Variants in TENM2 observed in about 807,000 individuals in gnomAD.
The protein encoded by TENM2 is teneurin transmembrane protein 2, also known as teneurin-2.
A neutral mutation model predicts 245.2 loss-of-function variants in TENM2; 52 were observed. The ratio of observed to expected loss-of-function variants is 0.21; its 90% CI spans 0.17 to 0.27. The LOEUF (loss-of-function observed/expected upper bound fraction) is 0.27, where lower values mean the gene tolerates loss of function less well. Ranked by LOEUF, TENM2 falls within the 10% of genes least tolerant of loss-of-function variation. The probability of loss-of-function intolerance (pLI) is 1.00; values close to 1 mark genes in which losing one functional copy is unlikely to be tolerated. For synonymous variants in TENM2, 1,363 were observed against 1,438.9 expected, an observed-to-expected ratio of 0.95 and a Z score of 1.19; for missense variants, 3,046 against 3,666.8, an observed-to-expected ratio of 0.83 and a Z score of 4.37.
chr5:167,896,881 C>T (rs1366372541), intron 3 of TENM2, among the ~76,000 whole-genome samples: 1 of 152,212 alleles, frequency 6.6e-6, no homozygotes, highest in Non-Finnish European at 1.5e-5. Flanking sequence ...TTTAGAATCA[C>T]GCTTGCTTTT....
At chr5:167,123,122 AC>A in the TENM2 span, among the ~76,000 whole-genome samples, 1 of 146,918 alleles carries the variant, frequency 6.8e-6, no homozygotes, top group African/African-American at 2.5e-5. Context: ...ACATGGCGAA[AC>A]CCCATCTCTA....
chr5:168,218,806 C>A lies in TENM2; in HGVS notation c.4915C>A (p.Arg1639Ser). 6.2e-7 allele frequency: 1 copy of A among 1,613,902 alleles called. No homozygotes were observed. The stretch of plus-strand genomic sequence containing the variant: ...CAATAATGGGAATTCCCTGAAGATC[C>A]GTCGGGACAGCAGTGGCATGCCCCG... Residue 1639 changes from arginine (R) to serine (S), a missense_variant, in exon 23 of 29, where the codon CGT becomes AGT. Arg to Ser is a moderately radical substitution (Grantham distance 110). Coordinates refer to ENST00000518659, the Ensembl canonical transcript of TENM2. The surrounding 1 kb of genome is among the most constrained non-coding windows in gnomAD (Gnocchi z 5.2).
the TENM2 span, among the ~76,000 whole-genome samples, chr5:167,244,206 G>A: frequency 5.9e-5 from 9 of 152,178 alleles, no homozygotes; most frequent in Non-Finnish European, 8.8e-5. Flanking sequence ...TTACATTTAA[G>A]CTTAAAGATA....
At chr5:167,158,711 A>G in the TENM2 span, among the ~76,000 whole-genome samples, 1 of 152,118 alleles carries the variant, frequency 6.6e-6, no homozygotes. Context: ...TACAAATCTT[A>G]CAAATCCCTC....
At chr5:168,166,140 T>G (rs1758282936) in intron 13 of TENM2, among the ~76,000 whole-genome samples, 1 of 152,178 alleles carries the variant, frequency 6.6e-6, no homozygotes, top group Admixed American at 6.5e-5. Context: ...GTCTCTGTCC[T>G]GCTTCGTGAG....
exon 22 of TENM2, chr5:168,216,826 G>A: frequency 6.2e-7 from 1 of 1,613,992 alleles, no homozygotes; most frequent in Admixed American, 1.7e-5. Context: ...TGATCCGGAA[G>A]GTTGACCAGA....
chr5:167,651,707 G>T (rs1207970289), intron 2 of TENM2, among the ~76,000 whole-genome samples: 1 of 152,176 alleles, frequency 6.6e-6, no homozygotes, highest in African/African-American at 2.4e-5. Context: ...GGCCTGGTCT[G>T]TGTGTCCAGC....
intron 9 of TENM2, among the ~76,000 whole-genome samples, chr5:168,101,091 G>A (rs577392121): frequency 7.2e-5 from 11 of 152,140 alleles, no homozygotes; most frequent in Admixed American, 3.9e-4. Flanking sequence ...TCCTCCTAGC[G>A]CCTCCCTCAG....
At chr5:167,698,382 C>T (rs1757909343) in intron 2 of TENM2, among the ~76,000 whole-genome samples, 1 of 152,194 alleles carries the variant, frequency 6.6e-6, no homozygotes, top group South Asian at 2.1e-4. Flanking sequence ...CATTCCCTGA[C>T]CAGACCATGC....
intron 5 of TENM2, among the ~76,000 whole-genome samples, chr5:168,026,740 G>T (rs1045033141): frequency 6.6e-6 from 1 of 152,050 alleles, no homozygotes; most frequent in Non-Finnish European, 1.5e-5. Flanking sequence ...AGGTTATAAA[G>T]ACTAAACAAG....
intron 1 of TENM2, among the ~76,000 whole-genome samples, chr5:167,318,732 G>A (rs930912766): frequency 6.6e-6 from 1 of 152,134 alleles, no homozygotes; most frequent in Non-Finnish European, 1.5e-5. Flanking sequence ...AGCTTCAGTG[G>A]CCAGTTAGAA....
rs184679859 is a variant in TENM2, at chr5:168,103,585, G to A, written c.1813+5458G>A. Reference sequence around the variant, plus strand: ...GGTATGGGTCTGTCTGATATTTTCCGGTGATTGGATTGACGTTATGCATTT... The same window carrying A: ...GGTATGGGTCTGTCTGATATTTTCCAGTGATTGGATTGACGTTATGCATTT... On this transcript the variant is annotated intron_variant, in intron 9 of 28. Coordinates refer to ENST00000518659, the Ensembl canonical transcript of TENM2. Among the ~76,000 whole-genome samples the A allele has an allele frequency of 1.5e-4, 23 of 152,164 alleles. No homozygotes were observed. In the East Asian group the frequency reaches 3.5e-3, roughly 23 times the overall value.
intron 25 of TENM2, chr5:168,229,930 A>AT (rs1213224806): frequency 6.6e-6 from 1 of 152,236 alleles, no homozygotes; most frequent in Non-Finnish European, 1.5e-5. Context: ...TGTGTAATTG[A>AT]TTTTTGATAT....
chr5:168,176,425 T>G (rs547846541), intron 13 of TENM2, among the ~76,000 whole-genome samples: 4 of 152,370 alleles, frequency 2.6e-5, no homozygotes, highest in African/African-American at 9.6e-5. Flanking sequence ...GCTTCTGCAC[T>G]TGCTGTTGCC....
At chr5:167,680,002 G>A (rs1158020743) in intron 2 of TENM2, among the ~76,000 whole-genome samples, 3 of 152,068 alleles carry the variant, frequency 2.0e-5, no homozygotes, top group Non-Finnish European at 4.4e-5. Context: ...GTCTGTCTCT[G>A]CATTACCTTC....
Position 167,958,247 on chromosome 5 carries a change from T to C in TENM2, c.947+5425T>C, listed in dbSNP as rs535333541. Among the ~76,000 whole-genome samples, 3 of 152,360 alleles carry C rather than the reference T, an allele frequency of 2.0e-5. No individual in the cohort carries two copies. The South Asian group carries it at 6.2e-4, about 32-fold the overall frequency. On this transcript the variant is annotated intron_variant, in intron 4 of 28. Coordinates refer to ENST00000518659, the Ensembl canonical transcript of TENM2. ...ATGTAATGGCCTTCTTTGTCTTTTTTGATCTTTGTTGGTTTAAAGTCTGTG... is the reference window on the plus strand; with the variant it reads ...ATGTAATGGCCTTCTTTGTCTTTTTCGATCTTTGTTGGTTTAAAGTCTGTG...
At chr5:167,338,160 G>A (rs745814952) in intron 1 of TENM2, among the ~76,000 whole-genome samples, 10 of 152,118 alleles carry the variant, frequency 6.6e-5, no homozygotes, top group East Asian at 3.8e-4. Flanking sequence ...GTTATTCAGC[G>A]GGCTATAGCA....
intron 6 of TENM2, among the ~76,000 whole-genome samples, 175 bp downstream of exon 8, chr5:168,047,724 G>A (rs1788731578): frequency 1.3e-5 from 2 of 152,222 alleles, no homozygotes; most frequent in South Asian, 4.1e-4. Flanking sequence ...TGCTGTTCCT[G>A]TCTGTTAGCT....
At chr5:167,754,056 C>T (rs185058664) in intron 2 of TENM2, among the ~76,000 whole-genome samples, 4 of 152,202 alleles carry the variant, frequency 2.6e-5, no homozygotes, top group Admixed American at 2.6e-4. Flanking sequence ...ACTTCAGCAG[C>T]TACACTATGA....
Sources: allele counts gnomAD v4.1 joint callset (sites outside exome capture counted in the v4.1 genomes callset), GRCh38; gene constraint gnomAD v4.1.1; non-coding constraint Gnocchi (gnomAD v3.1); transcripts MANE v1.5; gene names NCBI Gene and HGNC (gene_info 2026-07-23, HGNC 2026-07-21).